UBAP2: variants seen among roughly 807,000 people sequenced by gnomAD.
UBAP2 encodes ubiquitin associated protein 2.
A neutral mutation model predicts 139.6 loss-of-function variants in UBAP2; 75 were observed. The observed-to-expected ratio is 0.54, with a 90% CI of 0.45 to 0.65. UBAP2 has a LOEUF of 0.65. UBAP2 is among the 30% of genes least tolerant of loss of function. The probability of loss-of-function intolerance (pLI) is 0.00; values close to 1 mark genes in which losing one functional copy is unlikely to be tolerated. For synonymous variants in UBAP2, 526 were observed against 526.2 expected, an observed-to-expected ratio of 1.00 and a Z score of 0.01; for missense variants, 1,368 against 1,369.6, an observed-to-expected ratio of 1.00 and a Z score of 0.02.
At chr9:33,962,159 T>C (rs1827095726) in intron 9 of UBAP2, among the ~76,000 whole-genome samples, 1 of 152,024 alleles carries the variant, frequency 6.6e-6, no homozygotes, top group African/African-American at 2.4e-5. Flanking sequence ...AGAAAAACAA[T>C]GATGAAACAT....
Position 33,941,711 on chromosome 9 carries a change from G to A in UBAP2, c.1867C>T (p.His623Tyr). 6.2e-7 allele frequency: 1 copy of A among 1,614,156 alleles called. No individual in the cohort carries two copies. Among genetic ancestry groups the A allele is most frequent in the Non-Finnish European group, 8.5e-7 (1 of 1,180,026 alleles). Reference protein sequence around the residue: ...MSSSYDQSSVHNRIPYQSPVS... With the variant: ...MSSSYDQSSVYNRIPYQSPVS... ...GGGCTTTGGTATGGGATCCTGTTAT[G>A]CACAGAACTCTGGTCATAAGAGGAA... The change falls in exon 16 of 29, where the codon CAT becomes TAT. Residue 623 changes from histidine to tyrosine, a missense_variant. Transcript: ENST00000379238.
intron 18 of UBAP2, 130 bp downstream of exon 18, chr9:33,933,360 C>T (rs956831654): frequency 3.6e-6 from 4 of 1,099,970 alleles, no homozygotes; most frequent in South Asian, 1.7e-5. Context: ...AAGCTACAGT[C>T]GTAATGCAAA....
At chr9:33,992,755 C>T (rs1821832353) in intron 4 of UBAP2, among the ~76,000 whole-genome samples, 1 of 152,086 alleles carries the variant, frequency 6.6e-6, no homozygotes, top group South Asian at 2.1e-4. Context: ...TTGCTGAAGT[C>T]TGCAAAGTAT....
intron 9 of UBAP2, among the ~76,000 whole-genome samples, chr9:33,962,231 CT>C (rs1237367241): frequency 1.3e-5 from 2 of 152,106 alleles, no homozygotes; most frequent in African/African-American, 2.4e-5. Flanking sequence ...ATTATTTTTT[CT>C]AATTTTTAAA....
At chr9:34,004,452 T>G (rs1339782867) in intron 2 of UBAP2, among the ~76,000 whole-genome samples, 1 of 151,656 alleles carries the variant, frequency 6.6e-6, no homozygotes, top group Non-Finnish European at 1.5e-5. Context: ...GCCACTGCAC[T>G]CCAGCCTGTG....
At chr9:34,006,599 C>T (rs945469636) in intron 2 of UBAP2, among the ~76,000 whole-genome samples, 3 of 152,096 alleles carry the variant, frequency 2.0e-5, no homozygotes, top group Middle Eastern at 3.4e-3. Context: ...TTATCTGAGT[C>T]CAGGAGGTCA....
At chr9:33,998,058 T>C (rs998832145) in intron 3 of UBAP2, 3 of 152,188 alleles carry the variant, frequency 2.0e-5, no homozygotes, top group Middle Eastern at 3.2e-3. Context: ...AATGAAGACA[T>C]TGCCTTAAAA....
At chr9:33,959,130 G>A (rs547818561) in intron 10 of UBAP2, among the ~76,000 whole-genome samples, 1 of 151,230 alleles carries the variant, frequency 6.6e-6, no homozygotes, top group African/African-American at 2.4e-5. Context: ...CCTGGTGACA[G>A]AGCGAGAGCA....
chr9:34,009,352 G>C (rs1464364636), intron 2 of UBAP2, among the ~76,000 whole-genome samples: 3 of 152,050 alleles, frequency 2.0e-5, no homozygotes, highest in Non-Finnish European at 4.4e-5. Context: ...ACCCGTCTCA[G>C]CCTCCCAAAG....
intron 14 of UBAP2, among the ~76,000 whole-genome samples, chr9:33,944,090 A>T (rs1293574096): frequency 6.6e-6 from 1 of 152,194 alleles, no homozygotes; most frequent in Non-Finnish European, 1.5e-5. Context: ...TGCATCCTCC[A>T]ACTATGGGAT....
chr9:33,947,419 G>C (rs1825731512), intron 13 of UBAP2, among the ~76,000 whole-genome samples: 1 of 152,074 alleles, frequency 6.6e-6, no homozygotes, highest in Non-Finnish European at 1.5e-5. Flanking sequence ...AAAACATCCA[G>C]TCTACACATG....
intron 1 of UBAP2, among the ~76,000 whole-genome samples, chr9:34,033,878 G>A (rs528841457): frequency 6.6e-6 from 1 of 152,100 alleles, no homozygotes; most frequent in African/African-American, 2.4e-5. Flanking sequence ...TGGGATTACA[G>A]GCACCCACCA....
chr9:33,981,516 C>T lies in UBAP2; in HGVS notation c.520+5244G>A, dbSNP rs149475371. ...GACTACAGATGCACATCATCATGCC[C>T]GGCTAATTTTTTTTTTTTTAAACAA... On this transcript the variant is annotated intron_variant, in intron 6 of 28. Coordinates refer to ENST00000379238, the MANE Select transcript of UBAP2 (RefSeq NM_001370062.2). 1.3e-3 allele frequency among the ~76,000 whole-genome samples: 191 copies of T among 144,616 alleles called. 3 individuals carry two copies. In the East Asian group the frequency reaches 0.034, roughly 26 times the overall value. The allele number at this position is 144,616 out of a possible 152,430, so 94.9% of individuals were successfully genotyped here.
At chr9:33,959,134 G>T (rs568403580) in intron 10 of UBAP2, among the ~76,000 whole-genome samples, 1 of 150,502 alleles carries the variant, frequency 6.6e-6, no homozygotes, top group Non-Finnish European at 1.5e-5. Context: ...GTGACAGAGC[G>T]AGAGCAAGGC....
intron 1 of UBAP2, among the ~76,000 whole-genome samples, chr9:34,035,988 G>GT (rs2131348440): frequency 6.6e-6 from 1 of 152,052 alleles, no homozygotes; most frequent in South Asian, 2.1e-4. Flanking sequence ...GAGTGACAGA[G>GT]TAAGACCCTG....
intron 6 of UBAP2, among the ~76,000 whole-genome samples, chr9:33,980,689 C>G (rs1203713435): frequency 6.6e-6 from 1 of 152,070 alleles, no homozygotes; most frequent in Non-Finnish European, 1.5e-5. Context: ...GACGCTGTGG[C>G]TCATGCCTGT....
chr9:33,969,634 A>G (rs1385504840), intron 8 of UBAP2, among the ~76,000 whole-genome samples: 1 of 151,914 alleles, frequency 6.6e-6, no homozygotes, highest in Non-Finnish European at 1.5e-5. Context: ...TGGGAGGCCA[A>G]GGTGAGTGGA....
At position 33,986,070 on chromosome 9, in the gene UBAP2, T is replaced by C. The variant is rs952765536; in HGVS notation, c.520+690A>G. On this transcript the variant is annotated intron_variant, in intron 6 of 28. Coordinates refer to ENST00000379238, the MANE Select transcript of UBAP2 (RefSeq NM_001370062.2). ...ATTTTTTTGTATTTTGTATTTTTTC[T>C]GAGACAGAGTCTTGCTCACTTGCCC... Among the ~76,000 whole-genome samples, 18 of 151,924 alleles carry C rather than the reference T, an allele frequency of 1.2e-4. 1 individual carries two copies.
intron 1 of UBAP2, among the ~76,000 whole-genome samples, chr9:34,035,290 G>A (rs898795857): frequency 1.3e-5 from 2 of 151,418 alleles, no homozygotes. Flanking sequence ...ATCACCTGAG[G>A]TCAGGAGTTC....
Sources: gnomAD v4.1 joint callset for allele counts (sites outside exome capture counted in the v4.1 genomes callset) on GRCh38, gnomAD v4.1.1 for gene constraint, MANE v1.5 for transcripts, NCBI Gene and HGNC (gene_info 2026-07-23, HGNC 2026-07-21) for gene names.